Variants in VPS25 observed in about 807,000 individuals in gnomAD.
VPS25 encodes the protein vacuolar protein-sorting-associated protein 25.
A neutral mutation model predicts 30.3 loss-of-function variants in VPS25; 21 were observed. The observed-to-expected ratio is 0.69, with a 90% CI of 0.49 to 1.00. VPS25 has a LOEUF of 1.00. Among genes scored for constraint, VPS25 ranks in the 50% least tolerant of loss-of-function variants. The pLI is 0.00. For synonymous variants in VPS25, 101 were observed against 88.1 expected, an observed-to-expected ratio of 1.15 and a Z score of -0.82; for missense variants, 156 against 217.2, an observed-to-expected ratio of 0.72 and a Z score of 1.77.
At position 42,774,713 on chromosome 17, in the gene VPS25, C is replaced by G; in HGVS notation, c.253+14C>G. On this transcript the variant is annotated intron_variant, in intron 3 of 5. Transcript: ENST00000253794. Reference sequence around the variant, plus strand: ...TGAGGAAGAAAGGTGGGTTCAGTTCCCCAGATTCCTTATTTTTCTTCCTAG... The same window carrying G: ...TGAGGAAGAAAGGTGGGTTCAGTTCGCCAGATTCCTTATTTTTCTTCCTAG... The G allele has an allele frequency of 6.2e-7, 1 of 1,609,056 alleles. No homozygotes were observed. Among genetic ancestry groups the G allele is most frequent in the Non-Finnish European group, 8.5e-7 (1 of 1,176,418 alleles).
rs961802583 is a variant in VPS25, at chr17:42,773,822, G to C, written c.143G>C (p.Ser48Thr). 6.2e-7 allele frequency: 1 copy of C among 1,614,080 alleles called. No homozygotes were observed. Among genetic ancestry groups the C allele is most frequent in the Non-Finnish European group, 8.5e-7 (1 of 1,180,038 alleles). Residue 48 changes from serine (S) to threonine (T), a missense_variant, in exon 2 of 6, where the codon AGC (serine) becomes ACC (threonine). By Grantham distance (58) the Ser-to-Thr change is moderately conservative. Transcript: ENST00000253794. ...TTCTGCCGCCTGCACAAACAGTCCAGCATGACGGTGATGGAAGCTCAGGAG... is the reference window on the plus strand; with the variant it reads ...TTCTGCCGCCTGCACAAACAGTCCACCATGACGGTGATGGAAGCTCAGGAG... ...LSFCRLHKQS[S>T]MTVMEAQESP...
chr17:42,778,135 G>A (rs1230805382), intron 5 of VPS25, among the ~76,000 whole-genome samples: 16 of 152,056 alleles, frequency 1.1e-4, no homozygotes. Context: ...ACATCTCCCT[G>A]CAGTATCTTA....
At position 42,778,972 on chromosome 17, in the gene VPS25, A is replaced by G; in HGVS notation, c.434A>G (p.Asp145Gly). Reference protein sequence around the residue: ...DTEDEEFHGLDEATLLRALQA... With the variant: ...DTEDEEFHGLGEATLLRALQA... ...CCCTGTTCAGAGTTCCACGGGCTGG[A>G]TGAAGCCACTCTACTGCGGGCTCTG... Residue 145 changes from aspartate (D) to glycine (G), a missense_variant, in exon 6 of 6, where the codon GAT (aspartate) becomes GGT (glycine). Transcript: ENST00000253794. 1 of 1,614,036 alleles carries G rather than the reference A, an allele frequency of 6.2e-7. No individual in the cohort carries two copies. The highest frequency in any genetic ancestry group is 8.5e-7 in the Non-Finnish European group (1 of 1,179,936).
chr17:42,773,972 C>T (rs779835434), intron 2 of VPS25, 94 bp downstream of exon 2: 1 of 1,440,206 alleles, frequency 6.9e-7, no homozygotes, highest in Non-Finnish European at 9.3e-7. Flanking sequence ...CCCCTTTTAC[C>T]CATGGTAGGC....
chr17:42,776,990 G>A (rs890082844), intron 5 of VPS25, among the ~76,000 whole-genome samples: 19 of 151,808 alleles, frequency 1.3e-4, no homozygotes, highest in African/African-American at 3.9e-4. Context: ...AGGCTAAGGT[G>A]GGAGGATTGC....
chr17:42,774,277 C>T (rs2054424766), intron 2 of VPS25: 1 of 273,458 alleles, frequency 3.7e-6, no homozygotes, highest in African/African-American at 2.2e-5. Context: ...CTGCCTGATT[C>T]ATCCCTAAAA....
intron 5 of VPS25, among the ~76,000 whole-genome samples, chr17:42,777,202 G>A (rs2054440918): frequency 6.6e-6 from 1 of 152,092 alleles, no homozygotes; most frequent in Non-Finnish European, 1.5e-5. Context: ...CTGGGCAACA[G>A]AGCGAGATGC....
chr17:42,776,671 T>G (rs1321937443), intron 5 of VPS25, among the ~76,000 whole-genome samples: 2 of 147,730 alleles, frequency 1.4e-5, no homozygotes, highest in Admixed American at 6.8e-5. Flanking sequence ...CTGTTTTTTT[T>G]TTTTTTTTTT....
rs1568023339 is a variant in VPS25 at position 42,776,661 on chromosome 17, CTG to C, written c.418+343_418+344del. On this transcript the variant is annotated intron_variant, in intron 5 of 5. Coordinates refer to ENST00000253794, the MANE Select transcript of VPS25 (RefSeq NM_032353.4). Reference sequence around the variant, plus strand: ...AGAGGCGTGAGCCACTGTGCCCCGCCTGTTTTTTTTTTTTTTTTTTTGAGACA... The same window carrying C: ...AGAGGCGTGAGCCACTGTGCCCCGCCTTTTTTTTTTTTTTTTTTTGAGACA... Among the ~76,000 whole-genome samples the C allele has an allele frequency of 2.8e-5, 4 of 142,170 alleles. 1 individual carries two copies. Among genetic ancestry groups the C allele is most frequent in the Admixed American group, 7.1e-5 (1 of 14,104 alleles). 93.3% of individuals were successfully genotyped at this position (142,170 alleles called of 152,430 possible).
At chr17:42,775,506 C>T (rs776663793) in intron 4 of VPS25, 37 bp downstream of exon 4, 2 of 1,559,198 alleles carry the variant, frequency 1.3e-6, no homozygotes, top group African/African-American at 2.7e-5. Context: ...CAACAGTGAC[C>T]CATGGAAAAG....
At chr17:42,775,989 A>G (rs572799791) in intron 4 of VPS25, among the ~76,000 whole-genome samples, 4 of 152,204 alleles carry the variant, frequency 2.6e-5, no homozygotes, top group African/African-American at 4.8e-5. Flanking sequence ...TTGAACAGGA[A>G]AACAACCAGA....
intron 4 of VPS25, 65 bp from the exon 5 acceptor site, chr17:42,776,180 G>A (rs2054434273): frequency 7.1e-7 from 1 of 1,407,778 alleles, no homozygotes; most frequent in Non-Finnish European, 1.0e-6. Flanking sequence ...GGGTGGAGCT[G>A]ATGAATTTAC....
rs2054454970 is a variant in VPS25 at position 42,779,227 on chromosome 17, C to T, written c.*158C>T. On this transcript the variant is annotated 3_prime_UTR_variant, in exon 6 of 6. Coordinates refer to ENST00000253794, the MANE Select transcript of VPS25 (RefSeq NM_032353.4). The stretch of plus-strand genomic sequence containing the variant: ...GACCTGGGGATGGGTTTCTCACACC[C>T]CATATGTCTGTCCCTTGGATAGGGT... 1.6e-6 allele frequency: 1 copy of T among 630,380 alleles called. No homozygotes were observed. Among genetic ancestry groups the T allele is most frequent in the Non-Finnish European group, 2.8e-6 (1 of 357,736 alleles). The allele number at this position is 630,380 out of a possible 1,614,324, so 39.0% of individuals were successfully genotyped here. A position where few individuals can be genotyped will look rare whatever the true frequency, so the allele number is the denominator to read the frequency against.
At chr17:42,774,204 TA>T in intron 2 of VPS25, 1 of 277,802 alleles carries the variant, frequency 3.6e-6, no homozygotes, top group Admixed American at 5.0e-5. Context: ...CAGACTTGGG[TA>T]ACTACCTTTA....
intron 4 of VPS25, 22 bp from the exon 5 acceptor site, chr17:42,776,223 T>A (rs750559283): frequency 3.1e-6 from 5 of 1,606,938 alleles, no homozygotes; most frequent in East Asian, 2.2e-5. Context: ...TCTAATTCAC[T>A]CCTCATTTTC....
At chr17:42,776,089 T>C (rs1170333505) in intron 4 of VPS25, among the ~76,000 whole-genome samples, 156 bp from the exon 5 acceptor site, 2 of 152,286 alleles carry the variant, frequency 1.3e-5, no homozygotes, top group East Asian at 1.9e-4. Flanking sequence ...ATAGCACTTG[T>C]AGGGTTTATG....
At position 42,778,940 on chromosome 17, in the gene VPS25, T is replaced by C. The variant is rs1006155652; in HGVS notation, c.419-17T>C. The C allele has an allele frequency of 6.2e-7, 1 of 1,612,122 alleles. No individual in the cohort carries two copies. Reference sequence around the variant, plus strand: ...GCCTCAGGAGCTGATTGTCTCTGCCTATCTCTCCCTGTTCAGAGTTCCACG... The same window carrying C: ...GCCTCAGGAGCTGATTGTCTCTGCCCATCTCTCCCTGTTCAGAGTTCCACG... On this transcript the variant is annotated splice_polypyrimidine_tract_variant and intron_variant, in intron 5 of 5. Coordinates refer to ENST00000253794, the MANE Select transcript of VPS25 (RefSeq NM_032353.4).
chr17:42,776,183 G>A, intron 4 of VPS25, 62 bp from the exon 5 acceptor site: 1 of 1,440,942 alleles, frequency 6.9e-7, no homozygotes, highest in Non-Finnish European at 9.7e-7. Context: ...TGGAGCTGAT[G>A]AATTTACTGT....
chr17:42,775,188 C>A, intron 3 of VPS25, 193 bp from the exon 4 acceptor site: 1 of 543,412 alleles, frequency 1.8e-6, no homozygotes, highest in Admixed American at 3.4e-5. Context: ...AGACCTCAGG[C>A]ATGTGTCACC....
Sources: allele counts gnomAD v4.1 joint callset (sites outside exome capture counted in the v4.1 genomes callset), GRCh38; gene constraint gnomAD v4.1.1; transcripts MANE v1.5; gene names NCBI Gene and HGNC (gene_info 2026-07-23, HGNC 2026-07-21).